DACH1: variants seen among roughly 807,000 people sequenced by gnomAD.
DACH1 encodes the protein dachshund family transcription factor 1, also known as dachshund homolog 1.
DACH1 carries 12 observed loss-of-function variants against 54.2 expected under a neutral mutation model. The observed-to-expected ratio is 0.22, with a 90% CI of 0.14 to 0.36. The LOEUF is 0.36. DACH1 is among the 10% of genes least tolerant of loss of function. DACH1 has a pLI of 1.00. For synonymous variants in DACH1, 386 were observed against 366.2 expected (o/e 1.05, Z -0.62); for missense variants, 805 against 929.8 (o/e 0.87, Z 1.75).
At chr13:71,464,480 G>A (rs1876376233) in intron 10 of DACH1, 4 of 325,704 alleles carry the variant, frequency 1.2e-5, no homozygotes, top group Non-Finnish European at 2.4e-5. Context: ...TTATTTTAAT[G>A]AAGATGAGAA....
At chr13:71,664,372 T>C (rs752158230) in intron 2 of DACH1, among the ~76,000 whole-genome samples, 1 of 152,124 alleles carries the variant, frequency 6.6e-6, no homozygotes, top group Middle Eastern at 3.4e-3. Context: ...ACCTGTTCTT[T>C]TGGAAAACAG....
chr13:71,546,719 C>G (rs764441672), intron 6 of DACH1, among the ~76,000 whole-genome samples: 25 of 151,914 alleles, frequency 1.6e-4, no homozygotes, highest in Non-Finnish European at 7.4e-5. Flanking sequence ...CAGCTATGGT[C>G]TAAAAGTTAA....
At chr13:71,806,152 T>A (rs1287597159) in intron 1 of DACH1, among the ~76,000 whole-genome samples, 1 of 152,182 alleles carries the variant, frequency 6.6e-6, no homozygotes. Flanking sequence ...GAATTTTTCA[T>A]CAAAAGATAA....
chr13:71,848,691 A>C (rs536421655), intron 1 of DACH1, among the ~76,000 whole-genome samples: 1 of 152,116 alleles, frequency 6.6e-6, no homozygotes, highest in African/African-American at 2.4e-5. Context: ...CTAATTAAAA[A>C]AAATTTTTTT....
intron 1 of DACH1, among the ~76,000 whole-genome samples, chr13:71,720,458 C>T (rs904664428): frequency 1.3e-5 from 2 of 152,188 alleles, no homozygotes; most frequent in Non-Finnish European, 1.5e-5. Flanking sequence ...TCAGCCATAA[C>T]GTCTAGTTCA....
intron 3 of DACH1, among the ~76,000 whole-genome samples, chr13:71,598,073 C>G (rs1874232758): frequency 7.2e-6 from 1 of 138,682 alleles, no homozygotes; most frequent in Admixed American, 7.3e-5. Context: ...GAGCAAGACC[C>G]TGTCAAAAAA....
chr13:71,589,500 T>C (rs1873534434), intron 3 of DACH1, among the ~76,000 whole-genome samples: 1 of 152,028 alleles, frequency 6.6e-6, no homozygotes, highest in Non-Finnish European at 1.5e-5. Context: ...AAATAAATGA[T>C]GATCTCATAT....
chr13:71,577,638 T>C (rs1228077193), intron 3 of DACH1, among the ~76,000 whole-genome samples: 1 of 152,158 alleles, frequency 6.6e-6, no homozygotes, highest in Non-Finnish European at 1.5e-5. Context: ...AAAAATTGTA[T>C]TTAATATCCT....
chr13:71,463,679 C>T (rs924471489), intron 10 of DACH1, among the ~76,000 whole-genome samples: 1 of 151,910 alleles, frequency 6.6e-6, no homozygotes, highest in Non-Finnish European at 1.5e-5. Context: ...AAAAATAATG[C>T]CTGTAAAAAA....
chr13:71,552,834 TATATATATAGAGAGAGAGAG>T (rs1430281414), intron 6 of DACH1, among the ~76,000 whole-genome samples: 6 of 33,182 alleles, frequency 1.8e-4, no homozygotes, highest in African/African-American at 2.7e-4. Context: ...TATATATATA[TATATATATAGAGAGAGAGAG>T]AGAGAGAGAG....
chr13:71,668,248 A>G (rs1879978893), intron 2 of DACH1, among the ~76,000 whole-genome samples: 1 of 152,070 alleles, frequency 6.6e-6, no homozygotes, highest in Non-Finnish European at 1.5e-5. Flanking sequence ...CAAAATAATA[A>G]CTTACATTTG....
chr13:71,471,121 A>G (rs895674548), intron 10 of DACH1, among the ~76,000 whole-genome samples: 1 of 150,442 alleles, frequency 6.6e-6, no homozygotes, highest in Non-Finnish European at 1.5e-5. Context: ...GAAGTGAAAC[A>G]ACAACAAAAA....
chr13:71,499,631 C>CT (rs1221849713), intron 6 of DACH1, among the ~76,000 whole-genome samples: 1 of 151,898 alleles, frequency 6.6e-6, no homozygotes, highest in East Asian at 1.9e-4. Flanking sequence ...TGCTATGAGG[C>CT]TTTTTTTTCA....
At chr13:71,741,425 C>T (rs950675754) in intron 1 of DACH1, among the ~76,000 whole-genome samples, 3 of 152,170 alleles carry the variant, frequency 2.0e-5, no homozygotes, top group Non-Finnish European at 4.4e-5. Flanking sequence ...CTCAACTCTA[C>T]TTCATTATGG....
At chr13:71,497,925 TACAC>T (rs1566297877) in intron 6 of DACH1, among the ~76,000 whole-genome samples, 2 of 145,506 alleles carry the variant, frequency 1.4e-5, no homozygotes, top group African/African-American at 2.5e-5. Context: ...CACACACACA[TACAC>T]ACACAGTACA....
chr13:71,720,412 T>C (rs1390607625), intron 1 of DACH1, among the ~76,000 whole-genome samples: 1 of 152,224 alleles, frequency 6.6e-6, no homozygotes, highest in Non-Finnish European at 1.5e-5. Context: ...GAAATATATA[T>C]AGGTGTGTCA....
chr13:71,583,980 A>G (rs1425407735), intron 3 of DACH1, among the ~76,000 whole-genome samples: 1 of 152,196 alleles, frequency 6.6e-6, no homozygotes, highest in Non-Finnish European at 1.5e-5. Flanking sequence ...AATAATTTTA[A>G]TATTTCCTCC....
intron 1 of DACH1, among the ~76,000 whole-genome samples, chr13:71,810,352 G>A (rs544739123): frequency 2.6e-4 from 39 of 152,122 alleles, no homozygotes; most frequent in Admixed American, 3.9e-4. Context: ...AAAAGAGTAC[G>A]GGCAAAGAGA....
rs150640527 is a variant in DACH1 at position 71,779,996 on chromosome 13, A to G, written c.848+85926T>C. 5.5e-3 allele frequency among the ~76,000 whole-genome samples: 829 copies of G among 151,352 alleles called. 6 individuals are homozygous for G. Among genetic ancestry groups the G allele is most frequent in the Middle Eastern group, 0.037 (11 of 294 alleles). ...ATTGTGGGTGCTTCAAAAACATCCT[A>G]TGAAGGAAGGAATGAATGAATGAAT... On this transcript the variant is annotated intron_variant, in intron 1 of 10. Coordinates refer to ENST00000613252, the MANE Select transcript of DACH1 (RefSeq NM_080759.6).
Sources: allele counts gnomAD v4.1 joint callset (sites outside exome capture counted in the v4.1 genomes callset), GRCh38; gene constraint gnomAD v4.1.1; transcripts MANE v1.5; gene names NCBI Gene and HGNC (gene_info 2026-07-23, HGNC 2026-07-21).